CNKSR2: variants seen among roughly 807,000 people sequenced by gnomAD.
CNKSR2 encodes the protein CNK homolog protein 2.
A neutral mutation model predicts 84.4 loss-of-function variants in CNKSR2; 14 were observed. The ratio of observed to expected loss-of-function variants is 0.17; its 90% CI spans 0.11 to 0.26. CNKSR2 has a LOEUF of 0.26. Among genes scored for constraint, CNKSR2 ranks in the 10% least tolerant of loss-of-function variants. The pLI is 1.00. For missense variants in CNKSR2, 485 were observed against 771.2 expected, an observed-to-expected ratio of 0.63 and a Z score of 4.40; for synonymous variants, 275 against 277.9, an observed-to-expected ratio of 0.99 and a Z score of 0.10.
At chrX:21,392,808 C>T (rs904584090) in intron 1 of CNKSR2, among the ~76,000 whole-genome samples, 3 of 111,001 alleles carry the variant, frequency 2.7e-5, no homozygotes, top group East Asian at 2.8e-4. Context: ...ATAATGAGTC[C>T]GTGTAGTGCA....
chrX:21,567,018 T>C (rs1269010864), intron 13 of CNKSR2, among the ~76,000 whole-genome samples: 2 of 111,891 alleles, frequency 1.8e-5, no homozygotes, highest in Non-Finnish European at 3.8e-5. Context: ...ATTGACCAGC[T>C]CTTTGCCACC....
In CNKSR2 at chrX:21,436,558, T is replaced by C. The variant is rs573936762; in HGVS notation, c.431+3744T>C. Among the ~76,000 whole-genome samples, 62 of 111,180 alleles carry C rather than the reference T, an allele frequency of 5.6e-4. 2 individuals are homozygous for C. In the South Asian group the frequency reaches 0.023, roughly 42 times the overall value. On this transcript the variant is annotated intron_variant, in intron 3 of 21. Coordinates refer to ENST00000379510, the MANE Select transcript of CNKSR2 (RefSeq NM_014927.5). ...CAGCCACTTATCGATGATCCAAGGA[T>C]TTTATCTTTTTTTCTCTTTCTGGCA...
chrX:21,643,513 C>T (rs758891501), intron 20 of CNKSR2: 1 of 111,834 alleles, frequency 8.9e-6, no homozygotes, highest in East Asian at 2.8e-4. Flanking sequence ...GACACAAGTA[C>T]TTGATTTCAG....
Position 21,606,430 on chromosome X carries a change from A to G in CNKSR2, c.2045-349A>G, listed in dbSNP as rs5951612. On this transcript the variant is annotated intron_variant, in intron 18 of 21. Coordinates refer to ENST00000379510, the MANE Select transcript of CNKSR2 (RefSeq NM_014927.5). ...AAATGATATACCTTTAAGAGGCATC[A>G]TGTGATGTCATTCATTAACTGAAGC... 1,014 of 149,572 alleles carry G rather than the reference A, an allele frequency of 6.8e-3. 10 individuals carry two copies. Among genetic ancestry groups the G allele is most frequent in the African/African-American group, 0.03 (977 of 32,196 alleles). 12.3% of individuals were successfully genotyped at this position (149,572 alleles called of 1,213,427 possible).
intron 11 of CNKSR2, among the ~76,000 whole-genome samples, chrX:21,540,820 C>A (rs187349925): frequency 8.9e-6 from 1 of 112,149 alleles, no homozygotes; most frequent in East Asian, 2.8e-4. Context: ...CGATATGACA[C>A]AGTTCTTCAT....
chrX:21,648,733 G>T, intron 20 of CNKSR2, 98 bp from the exon 21 acceptor site: 1 of 657,996 alleles, frequency 1.5e-6, no homozygotes, highest in Non-Finnish European at 2.2e-6. Flanking sequence ...AATTTTCCAT[G>T]TGTCAAATAA....
intron 4 of CNKSR2, among the ~76,000 whole-genome samples, chrX:21,468,251 A>G (rs1002748653): frequency 9.0e-5 from 10 of 110,914 alleles, no homozygotes; most frequent in African/African-American, 3.3e-4. Flanking sequence ...TCTATTTTAT[A>G]TTGTCTAATT....
intron 18 of CNKSR2, among the ~76,000 whole-genome samples, chrX:21,603,099 A>T (rs754207488): frequency 8.9e-6 from 1 of 112,484 alleles, no homozygotes; most frequent in African/African-American, 3.2e-5. Context: ...TGCAGGTTCC[A>T]AAAAGTATTT....
intron 5 of CNKSR2, among the ~76,000 whole-genome samples, chrX:21,487,269 C>T (rs2091395243): frequency 9.0e-6 from 1 of 111,464 alleles, no homozygotes; most frequent in African/African-American, 3.3e-5. Flanking sequence ...ATTTTCTTTT[C>T]CCTAAAATGT....
chrX:21,439,371 A>G (rs2090752618), intron 3 of CNKSR2, among the ~76,000 whole-genome samples: 1 of 111,143 alleles, frequency 9.0e-6, no homozygotes, highest in Non-Finnish European at 1.9e-5. Flanking sequence ...CTGAAAAGGA[A>G]GTGTATAGCA....
chrX:21,558,849 C>T (rs924153507), intron 11 of CNKSR2, among the ~76,000 whole-genome samples: 5 of 111,245 alleles, frequency 4.5e-5, no homozygotes, highest in Non-Finnish European at 9.5e-5. Flanking sequence ...GCAAGTGAAA[C>T]AACTGCTTAT....
chrX:21,520,415 C>G (rs763795792), intron 9 of CNKSR2, among the ~76,000 whole-genome samples: 6 of 110,251 alleles, frequency 5.4e-5, no homozygotes, highest in Non-Finnish European at 9.5e-5. Context: ...CAGTGGCACT[C>G]TACTAATTTC....
At chrX:21,452,151 C>T (rs747060867) in intron 4 of CNKSR2, among the ~76,000 whole-genome samples, 6 of 111,751 alleles carry the variant, frequency 5.4e-5, no homozygotes, top group East Asian at 2.8e-4. Flanking sequence ...AGTGCAGTGG[C>T]GCAATCTCGG....
chrX:21,405,124 T>C (rs1015765077), intron 1 of CNKSR2, among the ~76,000 whole-genome samples: 4 of 111,678 alleles, frequency 3.6e-5, no homozygotes, highest in Non-Finnish European at 7.5e-5. Flanking sequence ...AAATATTTCT[T>C]GATTACTGCC....
Position 21,490,558 on chromosome X carries a change from A to G in CNKSR2, c.661A>G (p.Ile221Val). Reference sequence around the variant, plus strand: ...CCTGGAAGTGATTCAACTGGCAAACATTAAACCAAGCGAAGGGCTGGTAAG... The same window carrying G: ...CCTGGAAGTGATTCAACTGGCAAACGTTAAACCAAGCGAAGGGCTGGTAAG... ...AHLEVIQLAN[I>V]KPSEGLGMYI... The change falls in exon 6 of 22, where the codon ATT becomes GTT. Residue 221 changes from isoleucine (I) to valine (V), a missense_variant. Coordinates refer to ENST00000379510, the MANE Select transcript of CNKSR2 (RefSeq NM_014927.5). The G allele has an allele frequency of 1.7e-6, 2 of 1,209,261 alleles. No homozygotes were observed. The highest frequency in any genetic ancestry group is 3.5e-5 in the South Asian group (2 of 56,580).
At chrX:21,532,650 A>G (rs2091895938) in intron 11 of CNKSR2, among the ~76,000 whole-genome samples, 1 of 111,112 alleles carries the variant, frequency 9.0e-6, no homozygotes, top group African/African-American at 3.3e-5. Context: ...TTAATCTTTG[A>G]TTCATGACCG....
At chrX:21,511,371 T>G (rs370882418) in intron 8 of CNKSR2, among the ~76,000 whole-genome samples, 2 of 111,381 alleles carry the variant, frequency 1.8e-5, no homozygotes, top group South Asian at 3.8e-4. Context: ...AAAAAATATT[T>G]TAATACTATA....
intron 1 of CNKSR2, among the ~76,000 whole-genome samples, chrX:21,414,012 G>A (rs1322775936): frequency 9.1e-6 from 1 of 110,488 alleles, no homozygotes; most frequent in Admixed American, 9.6e-5. Context: ...ACCCAGAATA[G>A]CCACTGGGTC....
intron 16 of CNKSR2, 110 bp downstream of exon 16, chrX:21,595,157 C>G: frequency 1.4e-6 from 1 of 694,559 alleles, no homozygotes; most frequent in Non-Finnish European, 2.2e-6. Context: ...AATAAGAAAG[C>G]AGTTTTGTGG....
Sources: gnomAD v4.1 joint callset for allele counts (sites outside exome capture counted in the v4.1 genomes callset) on GRCh38, gnomAD v4.1.1 for gene constraint, MANE v1.5 for transcripts, NCBI Gene and HGNC (gene_info 2026-07-23, HGNC 2026-07-21) for gene names.